Variants in LRP1B observed in about 807,000 individuals in gnomAD.
The protein encoded by LRP1B is low-density lipoprotein receptor-related protein 1B.
In LRP1B, 217 loss-of-function variants were observed where a neutral mutation model predicts 556.6. That is an observed-to-expected ratio of 0.39 (90% CI 0.35 to 0.44). The LOEUF (loss-of-function observed/expected upper bound fraction) is 0.44, where lower values mean the gene tolerates loss of function less well. Among genes scored for constraint, LRP1B ranks in the 20% least tolerant of loss-of-function variants. The pLI, the probability that LRP1B is intolerant of heterozygous loss-of-function variation, is 1.00. For synonymous variants in LRP1B, 2,047 were observed against 1,865.8 expected (o/e 1.10, Z -2.50); for missense variants, 5,053 against 5,620.8 (o/e 0.90, Z 3.23).
At chr2:140,990,468 G>A (rs778191092) in intron 16 of LRP1B, among the ~76,000 whole-genome samples, 17 of 151,878 alleles carry the variant, frequency 1.1e-4, no homozygotes, top group Admixed American at 7.9e-4. Context: ...GGAATGGAAG[G>A]AGGAACACAG....
chr2:141,919,732 T>G (rs1574492968), intron 1 of LRP1B, among the ~76,000 whole-genome samples: 1 of 152,144 alleles, frequency 6.6e-6, no homozygotes, highest in Non-Finnish European at 1.5e-5. Flanking sequence ...TCAAAAGAGG[T>G]GACACATCTT....
intron 41 of LRP1B, among the ~76,000 whole-genome samples, chr2:140,637,928 G>A (rs905855379): frequency 3.9e-5 from 6 of 152,182 alleles, no homozygotes; most frequent in East Asian, 1.9e-4. Flanking sequence ...TCAATCATAC[G>A]TGATCAAGGT....
chr2:141,156,087 G>A (rs540683453), intron 7 of LRP1B, among the ~76,000 whole-genome samples: 1 of 152,242 alleles, frequency 6.6e-6, no homozygotes, highest in African/African-American at 2.4e-5. Flanking sequence ...AAACTGTAGT[G>A]AGAAACACAA....
intron 35 of LRP1B, among the ~76,000 whole-genome samples, chr2:140,766,831 A>ATAT (rs1159117642): frequency 0.01 from 229 of 22,768 alleles, 2 homozygotes; most frequent in African/African-American, 0.016. Flanking sequence ...AAATATATAT[A>ATAT]TATATATATA....
intron 66 of LRP1B, among the ~76,000 whole-genome samples, chr2:140,401,054 A>G (rs1315942176): frequency 2.0e-5 from 3 of 152,170 alleles, no homozygotes; most frequent in Non-Finnish European, 4.4e-5. Flanking sequence ...AACTATCTCA[A>G]GCAGTGGCCA....
intron 24 of LRP1B, among the ~76,000 whole-genome samples, chr2:140,884,784 C>T (rs1693584521): frequency 6.6e-6 from 1 of 152,168 alleles, no homozygotes; most frequent in Non-Finnish European, 1.5e-5. Flanking sequence ...GTGATCACGG[C>T]TCATTGCAGC....
At chr2:141,677,651 C>T (rs13000694) in intron 2 of LRP1B, among the ~76,000 whole-genome samples, 12,927 of 151,992 alleles carry the variant, frequency 0.085, 647 homozygotes, top group South Asian at 0.15. Flanking sequence ...CACCATGCCC[C>T]GTTAATTTTG....
At chr2:140,315,667 A>G (rs1011498195) in intron 82 of LRP1B, among the ~76,000 whole-genome samples, 1 of 152,200 alleles carries the variant, frequency 6.6e-6, no homozygotes, top group African/African-American at 2.4e-5. Flanking sequence ...TCTTCCTTAT[A>G]ATATGGACAA....
At chr2:140,796,650 G>C (rs900934598) in intron 32 of LRP1B, among the ~76,000 whole-genome samples, 1 of 152,032 alleles carries the variant, frequency 6.6e-6, no homozygotes, top group African/African-American at 2.4e-5. Context: ...GAACATTTAG[G>C]TAGATGTATT....
chr2:141,377,665 T>C (rs1358063472), intron 3 of LRP1B, among the ~76,000 whole-genome samples: 16 of 152,016 alleles, frequency 1.1e-4, no homozygotes, highest in Admixed American at 1.0e-3. Context: ...TAACTCATTA[T>C]CCACTACAAA....
At chr2:141,907,108 T>C (rs1699779643) in intron 1 of LRP1B, among the ~76,000 whole-genome samples, 1 of 152,058 alleles carries the variant, frequency 6.6e-6, no homozygotes, top group Admixed American at 6.6e-5. Flanking sequence ...GGCATAAAAC[T>C]TGGGATATGA....
At chr2:140,949,049 A>T (rs1487918257) in intron 20 of LRP1B, among the ~76,000 whole-genome samples, 1 of 152,230 alleles carries the variant, frequency 6.6e-6, no homozygotes, top group Non-Finnish European at 1.5e-5. Flanking sequence ...GAAGACAAAC[A>T]TATCTGTGTA....
At chr2:141,128,380 C>A (rs550215514) in intron 7 of LRP1B, among the ~76,000 whole-genome samples, 112 of 152,224 alleles carry the variant, frequency 7.4e-4, no homozygotes, top group Non-Finnish European at 1.1e-3. Context: ...TTATGGTTAA[C>A]AATTTCTCTC....
chr2:140,579,096 G>C (rs1681655496), intron 43 of LRP1B, among the ~76,000 whole-genome samples: 1 of 152,038 alleles, frequency 6.6e-6, no homozygotes, highest in Non-Finnish European at 1.5e-5. Context: ...AAGGAGAAGG[G>C]GAGAAATCTT....
At chr2:141,565,418 CA>C (rs1226911633) in intron 2 of LRP1B, among the ~76,000 whole-genome samples, 1 of 152,072 alleles carries the variant, frequency 6.6e-6, no homozygotes, top group Non-Finnish European at 1.5e-5. Flanking sequence ...TGGAAAGGAG[CA>C]AAAAGATGAT....
At chr2:141,905,811 G>C (rs909441558) in intron 1 of LRP1B, among the ~76,000 whole-genome samples, 1 of 144,452 alleles carries the variant, frequency 6.9e-6, no homozygotes, top group African/African-American at 2.6e-5. Context: ...GTGTGGCTAG[G>C]TGTGTATAAA....
At position 142,022,665 on chromosome 2, in the gene LRP1B, AT is replaced by A. The variant is rs530362702; in HGVS notation, c.82+107982del. Among the ~76,000 whole-genome samples, 64 of 151,788 alleles carry A rather than the reference AT, an allele frequency of 4.2e-4. No individual in the cohort carries two copies. The South Asian group carries it at 0.012, about 29-fold the overall frequency. On this transcript the variant is annotated intron_variant, in intron 1 of 90. Coordinates refer to ENST00000389484, the MANE Select transcript of LRP1B (RefSeq NM_018557.3). Reference sequence around the variant, plus strand: ...AAACAAATCTCACTGCTTTTATTTTATTTTATTTATTTATTTATTTTTTGAG... The same window carrying A: ...AAACAAATCTCACTGCTTTTATTTTATTTATTTATTTATTTATTTTTTGAG...
chr2:140,893,778 T>A (rs1002271334), intron 23 of LRP1B, among the ~76,000 whole-genome samples: 1 of 152,170 alleles, frequency 6.6e-6, no homozygotes, highest in Non-Finnish European at 1.5e-5. Context: ...AAGTCATAGA[T>A]GATAGTGAAC....
At chr2:140,885,329 G>T (rs972989191) in intron 24 of LRP1B, among the ~76,000 whole-genome samples, 9 of 150,580 alleles carry the variant, frequency 6.0e-5, no homozygotes, top group African/African-American at 2.2e-4. Context: ...CATTTCAAAA[G>T]AAATATATAT....
Sources: allele counts gnomAD v4.1 joint callset (sites outside exome capture counted in the v4.1 genomes callset), GRCh38; gene constraint gnomAD v4.1.1; transcripts MANE v1.5; gene names NCBI Gene and HGNC (gene_info 2026-07-23, HGNC 2026-07-21).